The following NPAS3 variants were observed in gnomAD, a reference collection of about 807,000 sequenced individuals.
The protein encoded by NPAS3 is neuronal PAS domain protein 3.
In NPAS3, 14 loss-of-function variants were observed where a neutral mutation model predicts 73.1. That is an observed-to-expected ratio of 0.19 (90% CI 0.13 to 0.30). The LOEUF is 0.30. NPAS3 is among the 10% of genes least tolerant of loss of function. The probability of loss-of-function intolerance (pLI) is 1.00; values close to 1 mark genes in which losing one functional copy is unlikely to be tolerated. For synonymous variants in NPAS3, 620 were observed against 541.5 expected (o/e 1.14, Z -2.01); for missense variants, 1,096 against 1,250.0 (o/e 0.88, Z 1.86).
intron 4 of NPAS3, among the ~76,000 whole-genome samples, chr14:33,446,999 C>T (rs999486189): frequency 3.3e-5 from 5 of 152,292 alleles, no homozygotes; most frequent in African/African-American, 1.2e-4. Flanking sequence ...TAGCAATATG[C>T]ACGAGATGCT....
At chr14:33,254,247 T>C (rs1451408519) in intron 3 of NPAS3, among the ~76,000 whole-genome samples, 2 of 152,144 alleles carry the variant, frequency 1.3e-5, no homozygotes, top group South Asian at 2.1e-4. Flanking sequence ...CAGCCCCATC[T>C]GTTAGGATTT....
At chr14:32,965,789 T>G (rs1464329867) in intron 1 of NPAS3, among the ~76,000 whole-genome samples, 2 of 152,206 alleles carry the variant, frequency 1.3e-5, no homozygotes, top group Non-Finnish European at 2.9e-5. Flanking sequence ...GCAGATGACA[T>G]GATCTTGTAT....
At chr14:33,716,866 C>G (rs1011608121) in intron 6 of NPAS3, among the ~76,000 whole-genome samples, 2 of 152,144 alleles carry the variant, frequency 1.3e-5, no homozygotes, top group Non-Finnish European at 2.9e-5. Context: ...CAGCTGCCAT[C>G]AACTGTGTAG....
intron 4 of NPAS3, among the ~76,000 whole-genome samples, chr14:33,392,148 A>G (rs375915191): frequency 1.6e-4 from 24 of 152,350 alleles, no homozygotes; most frequent in African/African-American, 4.8e-4. Flanking sequence ...ACATGTGGGC[A>G]TCATCCCTCT....
At chr14:33,624,208 G>C (rs1482064176) in intron 5 of NPAS3, among the ~76,000 whole-genome samples, 1 of 152,184 alleles carries the variant, frequency 6.6e-6, no homozygotes, top group African/African-American at 2.4e-5. Context: ...GGGAAACTTT[G>C]TTTTGTTCCC....
chr14:33,643,392 A>AC (rs1358434731), intron 5 of NPAS3, among the ~76,000 whole-genome samples: 1 of 147,122 alleles, frequency 6.8e-6, no homozygotes, highest in South Asian at 2.2e-4. Context: ...AAAAAAAAAA[A>AC]AAAAAACGAG....
At chr14:32,960,389 T>G (rs1375553915) in intron 1 of NPAS3, among the ~76,000 whole-genome samples, 1 of 152,174 alleles carries the variant, frequency 6.6e-6, no homozygotes, top group African/African-American at 2.4e-5. Context: ...CAGATTTTAA[T>G]ATAAAAAGAG....
chr14:33,709,346 G>C (rs546337007), intron 6 of NPAS3, among the ~76,000 whole-genome samples: 1 of 152,200 alleles, frequency 6.6e-6, no homozygotes, highest in African/African-American at 2.4e-5. Flanking sequence ...CACCCCGAAG[G>C]CTGATGAATA....
At chr14:33,666,022 T>C (rs1867200113) in intron 5 of NPAS3, among the ~76,000 whole-genome samples, 1 of 152,200 alleles carries the variant, frequency 6.6e-6, no homozygotes, top group Admixed American at 6.5e-5. Flanking sequence ...ACAATTGTCC[T>C]TGTGGTACCA....
At chr14:33,631,642 C>T (rs1330567767) in intron 5 of NPAS3, among the ~76,000 whole-genome samples, 2 of 152,212 alleles carry the variant, frequency 1.3e-5, no homozygotes, top group Non-Finnish European at 2.9e-5. Context: ...GATATAGACT[C>T]TCTTTGGCGG....
intron 5 of NPAS3, among the ~76,000 whole-genome samples, chr14:33,662,035 G>A (rs1391992192): frequency 6.6e-6 from 1 of 152,176 alleles, no homozygotes; most frequent in Non-Finnish European, 1.5e-5. Flanking sequence ...AATTCAGAAG[G>A]CACAACACTA....
intron 6 of NPAS3, among the ~76,000 whole-genome samples, chr14:33,720,659 A>T (rs1595498916): frequency 1.3e-5 from 2 of 152,330 alleles, no homozygotes; most frequent in Admixed American, 1.3e-4. Flanking sequence ...GTAAACAGTA[A>T]TCATGGTGTG....
At chr14:33,695,252 A>G (rs2060344328) in intron 6 of NPAS3, among the ~76,000 whole-genome samples, 1 of 152,190 alleles carries the variant, frequency 6.6e-6, no homozygotes. Context: ...AGCTGGTCCT[A>G]TGCTACCATA....
At chr14:33,491,848 G>C (rs2051913791) in intron 4 of NPAS3, among the ~76,000 whole-genome samples, 1 of 152,178 alleles carries the variant, frequency 6.6e-6, no homozygotes, top group African/African-American at 2.4e-5. Context: ...GCTTGTGAGT[G>C]TGTGTATGTG....
intron 3 of NPAS3, among the ~76,000 whole-genome samples, chr14:33,329,788 CT>C (rs1178950027): frequency 3.0e-4 from 45 of 151,770 alleles, no homozygotes; most frequent in Non-Finnish European, 5.9e-5. Flanking sequence ...TTTTCATAAG[CT>C]TGTTTTGAGG....
At chr14:33,684,402 C>G (rs1035645879) in intron 6 of NPAS3, among the ~76,000 whole-genome samples, 39 of 152,080 alleles carry the variant, frequency 2.6e-4, no homozygotes, top group Admixed American at 7.2e-4. Flanking sequence ...ACCTCCATCT[C>G]TCGGGCTCAA....
At chr14:33,001,344 G>T (rs550210111) in intron 1 of NPAS3, among the ~76,000 whole-genome samples, 14 of 152,270 alleles carry the variant, frequency 9.2e-5, no homozygotes, top group Admixed American at 7.2e-4. Flanking sequence ...GCAAGAGCCT[G>T]GGAAAGGTAA....
chr14:33,016,683 G>GT (rs1282637898), intron 1 of NPAS3, among the ~76,000 whole-genome samples: 5 of 149,322 alleles, frequency 3.3e-5, no homozygotes, highest in African/African-American at 7.3e-5. Context: ...TCCTGTAGCA[G>GT]TTTTTTTGCT....
At chr14:33,311,260 G>C (rs114528598) in intron 3 of NPAS3, among the ~76,000 whole-genome samples, 4,118 of 152,150 alleles carry the variant, frequency 0.027, 149 homozygotes, top group African/African-American at 0.086. Context: ...AAATTTTTCT[G>C]AAAACCATAT....
Sources: gnomAD v4.1 joint callset for allele counts (sites outside exome capture counted in the v4.1 genomes callset) on GRCh38, gnomAD v4.1.1 for gene constraint, MANE v1.5 for transcripts, NCBI Gene and HGNC (gene_info 2026-07-23, HGNC 2026-07-21) for gene names.